The following SRPK2 variants were observed in gnomAD, a reference collection of about 807,000 sequenced individuals.
SRPK2 encodes SFRS protein kinase 2.
SRPK2 carries 21 observed loss-of-function variants against 90.8 expected under a neutral mutation model. The observed-to-expected ratio is 0.23, with a 90% CI of 0.16 to 0.33. The LOEUF (loss-of-function observed/expected upper bound fraction) is 0.33. Among genes scored for constraint, SRPK2 ranks in the 10% least tolerant of loss-of-function variants. The pLI is 1.00. For missense variants in SRPK2, 620 were observed against 869.0 expected, an observed-to-expected ratio of 0.71 and a Z score of 3.60; for synonymous variants, 288 against 311.1, an observed-to-expected ratio of 0.93 and a Z score of 0.78.
At chr7:105,243,055 C>T (rs1258562401) in intron 2 of SRPK2, among the ~76,000 whole-genome samples, 1 of 152,162 alleles carries the variant, frequency 6.6e-6, no homozygotes, top group Non-Finnish European at 1.5e-5. Flanking sequence ...CTCTGTCACT[C>T]AGGCTGGGGT....
chr7:105,211,553 A>G (rs1796863013), intron 2 of SRPK2, among the ~76,000 whole-genome samples: 1 of 152,104 alleles, frequency 6.6e-6, no homozygotes, highest in African/African-American at 2.4e-5. Context: ...GAGCAGTAAC[A>G]GGAGTGAGAG....
intron 2 of SRPK2, among the ~76,000 whole-genome samples, chr7:105,358,572 G>A (rs1324120989): frequency 6.6e-6 from 1 of 151,774 alleles, no homozygotes; most frequent in African/African-American, 2.4e-5. Context: ...TGCCGTGTCA[G>A]TTACTTGGGG....
rs555989213 is a variant in SRPK2, at chr7:105,246,359, G to C, written c.72-42574C>G. 2.6e-5 allele frequency among the ~76,000 whole-genome samples: 4 copies of C among 152,206 alleles called. No individual in the cohort carries two copies. The South Asian group carries it at 8.3e-4, about 32-fold the overall frequency. ...GGCCATATGATCTATCTTTCATTAC[G>C]GTCAGGAAAGATTAGACAAGATAAT... On this transcript the variant is annotated intron_variant, in intron 2 of 15. Transcript: ENST00000393651.
chr7:105,174,654 CT>C (rs1791602926), intron 3 of SRPK2, among the ~76,000 whole-genome samples: 1 of 152,182 alleles, frequency 6.6e-6, no homozygotes, highest in Admixed American at 6.5e-5. Flanking sequence ...TTAATATTTC[CT>C]TCCCCCAAAA....
At chr7:105,159,092 C>T (rs1404696584) in intron 7 of SRPK2, among the ~76,000 whole-genome samples, 1 of 152,010 alleles carries the variant, frequency 6.6e-6, no homozygotes, top group East Asian at 1.9e-4. Flanking sequence ...TACATAGAAA[C>T]ACCTCAATTC....
intron 2 of SRPK2, among the ~76,000 whole-genome samples, chr7:105,375,387 T>C (rs528041117): frequency 2.6e-4 from 40 of 152,238 alleles, no homozygotes; most frequent in African/African-American, 9.6e-4. Context: ...TTCCAAAAAC[T>C]GAAATGTAGT....
intron 2 of SRPK2, among the ~76,000 whole-genome samples, chr7:105,336,981 T>C (rs1208927879): frequency 1.3e-5 from 2 of 152,002 alleles, no homozygotes; most frequent in Non-Finnish European, 2.9e-5. Flanking sequence ...TTTGTAATTT[T>C]AGTAGAGATG....
Position 105,377,879 on chromosome 7 carries a change from G to A in SRPK2, c.71+10769C>T, listed in dbSNP as rs1420169312. On this transcript the variant is annotated intron_variant, in intron 2 of 15. Transcript: ENST00000393651. Reference sequence around the variant, plus strand: ...CCTCTCACATTAAACTGGACACTAAGTCTAGTGGATTCTGGCCCCTTAATA... The same window carrying A: ...CCTCTCACATTAAACTGGACACTAAATCTAGTGGATTCTGGCCCCTTAATA... Among the ~76,000 whole-genome samples, 3 of 152,106 alleles carry A rather than the reference G, an allele frequency of 2.0e-5. No homozygotes were observed. In the East Asian group the frequency reaches 5.8e-4, roughly 29 times the overall value.
At chr7:105,233,899 AT>A (rs201619689) in intron 2 of SRPK2, among the ~76,000 whole-genome samples, 1 of 152,084 alleles carries the variant, frequency 6.6e-6, no homozygotes, top group Non-Finnish European at 1.5e-5. Context: ...AAAAAATCAT[AT>A]TTTTTTGGAA....
chr7:105,250,692 T>C (rs1802367869), intron 2 of SRPK2, among the ~76,000 whole-genome samples: 1 of 152,226 alleles, frequency 6.6e-6, no homozygotes, highest in African/African-American at 2.4e-5. Context: ...AGAATATTTT[T>C]TGGAAAATGC....
chr7:105,116,152 G>C (rs563836721), downstream of SRPK2, among the ~76,000 whole-genome samples: 1 of 152,238 alleles, frequency 6.6e-6, no homozygotes, highest in East Asian at 1.9e-4. Context: ...TGGATGAAAA[G>C]GGATCATTGA....
At position 105,168,035 on chromosome 7, in the gene SRPK2, G is replaced by C. The variant is rs774837038; in HGVS notation, c.399C>G (p.Ala133=). 1.2e-6 allele frequency: 2 copies of C among 1,612,128 alleles called. No individual in the cohort carries two copies. The highest frequency in any genetic ancestry group is 4.5e-5 in the East Asian group (2 of 44,820). The part of the protein sequence containing the change: ...VKSAQHYTET[A]LDEIKLLKCV... The stretch of plus-strand genomic sequence containing the variant: ...ATTTGAGCAATTTTATTTCATCCAA[G>C]GCTGTCTCCGTATAATGCTGGGCAC... Residue 133 remains alanine, a synonymous_variant, in exon 5 of 16, where the codon GCC becomes GCG. Coordinates refer to ENST00000393651, the MANE Select transcript of SRPK2 (RefSeq NM_182692.3).
chr7:105,282,555 T>C (rs11765899), intron 2 of SRPK2, among the ~76,000 whole-genome samples: 109,405 of 151,768 alleles, frequency 0.72, 39,965 homozygotes, highest in African/African-American at 0.84. Flanking sequence ...GTAATCTCTG[T>C]GCATTGGGAG....
At chr7:105,153,586 A>G (rs1474653664) in intron 7 of SRPK2, among the ~76,000 whole-genome samples, 1 of 152,142 alleles carries the variant, frequency 6.6e-6, no homozygotes, top group African/African-American at 2.4e-5. Context: ...CCAGAGTGCA[A>G]AGCTTCCCCC....
chr7:105,365,595 G>A (rs914023466), intron 2 of SRPK2, among the ~76,000 whole-genome samples: 4 of 149,580 alleles, frequency 2.7e-5, no homozygotes, highest in African/African-American at 4.9e-5. Context: ...CAGGAGAATC[G>A]AAGACGAGCC....
chr7:105,347,590 A>C (rs1007983602), intron 2 of SRPK2, among the ~76,000 whole-genome samples: 1 of 152,094 alleles, frequency 6.6e-6, no homozygotes, highest in Non-Finnish European at 1.5e-5. Context: ...ATGACGGCCC[A>C]TGCCTATACT....
intron 2 of SRPK2, among the ~76,000 whole-genome samples, chr7:105,237,792 C>T (rs1311286672): frequency 6.6e-6 from 1 of 152,144 alleles, no homozygotes; most frequent in Non-Finnish European, 1.5e-5. Context: ...AAGGAAGCAC[C>T]ATCCAGGGCA....
chr7:105,277,102 A>T (rs1045622460), intron 2 of SRPK2, among the ~76,000 whole-genome samples: 1 of 151,672 alleles, frequency 6.6e-6, no homozygotes, highest in African/African-American at 2.4e-5. Context: ...TTTGAGACAG[A>T]GTCTCACTCT....
At chr7:105,264,843 A>G (rs1804820727) in intron 2 of SRPK2, among the ~76,000 whole-genome samples, 1 of 152,202 alleles carries the variant, frequency 6.6e-6, no homozygotes, top group Admixed American at 6.5e-5. Flanking sequence ...ATGCAGTCTC[A>G]GCTTCTCAGA....
Sources: gnomAD v4.1 joint callset for allele counts (sites outside exome capture counted in the v4.1 genomes callset) on GRCh38, gnomAD v4.1.1 for gene constraint, MANE v1.5 for transcripts, NCBI Gene and HGNC (gene_info 2026-07-23, HGNC 2026-07-21) for gene names.